Variants in FAM120C observed in about 807,000 individuals in gnomAD.
The protein encoded by FAM120C is family with sequence similarity 120 member C, also known as constitutive coactivator of PPAR-gamma-like protein 2.
In FAM120C, 14 loss-of-function variants were observed where a neutral mutation model predicts 71.2. The ratio of observed to expected loss-of-function variants is 0.20; its 90% CI spans 0.13 to 0.31. FAM120C has a LOEUF of 0.31. Among genes scored for constraint, FAM120C ranks in the 10% least tolerant of loss-of-function variants. The probability of loss-of-function intolerance (pLI) is 1.00; values close to 1 mark genes in which losing one functional copy is unlikely to be tolerated. For synonymous variants in FAM120C, 354 were observed against 353.2 expected (o/e 1.00, Z -0.03); for missense variants, 500 against 879.0 (o/e 0.57, Z 5.45).
At chrX:54,178,608 T>C (rs1351971856) in intron 1 of FAM120C, among the ~76,000 whole-genome samples, 1 of 112,137 alleles carries the variant, frequency 8.9e-6, no homozygotes, top group Non-Finnish European at 1.9e-5. Context: ...TTAAATGAGA[T>C]ATTTTAAAAG....
At chrX:54,091,617 C>T (rs1360336124) in intron 10 of FAM120C, among the ~76,000 whole-genome samples, 191 bp from the exon 11 acceptor site, 1 of 111,860 alleles carries the variant, frequency 8.9e-6, no homozygotes, top group Non-Finnish European at 1.9e-5. Context: ...TCATGTACAT[C>T]AACAATGACA....
intron 10 of FAM120C, among the ~76,000 whole-genome samples, chrX:54,101,870 C>T (rs782721851): frequency 9.0e-6 from 1 of 111,553 alleles, no homozygotes; most frequent in South Asian, 3.8e-4. Flanking sequence ...TATAAACTCT[C>T]CCTAGTCTTC....
intron 1 of FAM120C, chrX:54,171,551 T>A (rs188312557): frequency 6.2e-5 from 7 of 112,296 alleles, no homozygotes; most frequent in Non-Finnish European, 1.9e-5. Flanking sequence ...TTTTGTTTGT[T>A]TATTCTCCTT....
chrX:54,102,867 G>A (rs1439490775), intron 10 of FAM120C, among the ~76,000 whole-genome samples: 2 of 105,194 alleles, frequency 1.9e-5, no homozygotes, highest in South Asian at 4.5e-4. Flanking sequence ...TTACAGGCGC[G>A]CACCACCACA....
chrX:54,180,274 G>T (rs1490461008), intron 1 of FAM120C, among the ~76,000 whole-genome samples: 1 of 112,256 alleles, frequency 8.9e-6, no homozygotes, highest in Non-Finnish European at 1.9e-5. Context: ...TCCGCTATCT[G>T]AACTATCTAC....
At position 54,132,861 on chromosome X, in the gene FAM120C, A is replaced by C. The variant is rs1055504369; in HGVS notation, c.1893T>G (p.Gly631=). The change falls in exon 9 of 16, where the codon GGT becomes GGG. Residue 631 remains glycine, a splice_region_variant and synonymous_variant. Transcript: ENST00000375180. ...CAATACATACGGGGATCTTAATTTC[A>C]CCCTAACAAGAGAACATTCCAGGGA... ...YPYIYHVLTK[G]EIKIPVCIED... is the part of the protein sequence containing the mutation. The C allele has an allele frequency of 1.1e-5, 13 of 1,183,896 alleles. No individual in the cohort carries two copies. Among genetic ancestry groups the C allele is most frequent in the African/African-American group, 1.8e-5 (1 of 56,055 alleles).
At chrX:54,094,083 C>T (rs868990656) in intron 10 of FAM120C, among the ~76,000 whole-genome samples, 5 of 61,441 alleles carry the variant, frequency 8.1e-5, no homozygotes, top group Non-Finnish European at 1.1e-4. Flanking sequence ...TCCACGACTC[C>T]TTTTTTTTTT....
rs181978830 is a variant in FAM120C, at chrX:54,147,873, T to C, written c.1158+3372A>G. On this transcript the variant is annotated intron_variant, in intron 4 of 15. Coordinates refer to ENST00000375180, the MANE Select transcript of FAM120C (RefSeq NM_017848.6). Reference sequence around the variant, plus strand: ...CCATGCCCAGCTAATTTTTTGTATTTTTAGTAGAGATGGGGTTTCACCATG... The same window carrying C: ...CCATGCCCAGCTAATTTTTTGTATTCTTAGTAGAGATGGGGTTTCACCATG... 5.8e-4 allele frequency among the ~76,000 whole-genome samples: 64 copies of C among 110,918 alleles called. 1 individual carries two copies. The East Asian group carries it at 0.018, about 31-fold the overall frequency.
chrX:54,114,784 G>C (rs1557126397), intron 10 of FAM120C, among the ~76,000 whole-genome samples: 1 of 110,236 alleles, frequency 9.1e-6, no homozygotes. Context: ...ATCTCACTTT[G>C]TTGCCCAGGC....
intron 4 of FAM120C, among the ~76,000 whole-genome samples, chrX:54,148,662 TTCA>T (rs1437806175): frequency 3.6e-5 from 4 of 111,612 alleles, no homozygotes; most frequent in Non-Finnish European, 7.5e-5. Flanking sequence ...GAAAAAAATG[TTCA>T]TCATTAGTCA....
chrX:54,100,135 C>G (rs1557123932), intron 10 of FAM120C, among the ~76,000 whole-genome samples: 1 of 109,148 alleles, frequency 9.2e-6, no homozygotes, highest in African/African-American at 3.3e-5. Context: ...CGCTTGAGTC[C>G]AGGAGTTTGA....
chrX:54,128,491 A>G (rs1331197043), intron 9 of FAM120C, among the ~76,000 whole-genome samples: 1 of 99,228 alleles, frequency 1.0e-5, no homozygotes, highest in Non-Finnish European at 2.1e-5. Flanking sequence ...TTTTTTTTTT[A>G]ATTGATCATT....
chrX:54,113,639 C>T lies in FAM120C; in HGVS notation c.2312+2906G>A, dbSNP rs186147314. On this transcript the variant is annotated intron_variant, in intron 10 of 15. Transcript: ENST00000375180. Reference sequence around the variant, plus strand: ...AAAAATGCCTGCACCAGGCCGGGCGCGGTGGCTCACGCCTGTAATCCCAGC... The same window carrying T: ...AAAAATGCCTGCACCAGGCCGGGCGTGGTGGCTCACGCCTGTAATCCCAGC... 1.5e-4 allele frequency among the ~76,000 whole-genome samples: 16 copies of T among 109,948 alleles called. No homozygotes were observed. In the East Asian group the frequency reaches 1.7e-3, roughly 12 times the overall value.
At chrX:54,118,694 TTTTTC>T (rs1396872932) in intron 9 of FAM120C, among the ~76,000 whole-genome samples, 28 of 91,883 alleles carry the variant, frequency 3.0e-4, no homozygotes, top group Non-Finnish European at 5.7e-4. Context: ...TATTTTTCTT[TTTTTC>T]TTTTTTTTTT....
In FAM120C at chrX:54,132,717, G is replaced by A; in HGVS notation, c.2037C>T (p.Ala679=). The A allele has an allele frequency of 8.3e-7, 1 of 1,206,059 alleles. No homozygotes were observed. Among genetic ancestry groups the A allele is most frequent in the Non-Finnish European group, 1.1e-6 (1 of 893,270 alleles). ...AETQRKMERL[A]MRRRLPVEVP... The stretch of plus-strand genomic sequence containing the variant: ...CTTCCACAGGCAGCCGCCGTCGCAT[G>A]GCCAAGCGTTCCATTTTCCTCTGTG... The change falls in exon 9 of 16, where the codon GCC becomes GCT. Residue 679 remains alanine (A), a synonymous_variant. Transcript: ENST00000375180.
intron 9 of FAM120C, among the ~76,000 whole-genome samples, chrX:54,117,590 C>T (rs1016541997): frequency 1.9e-4 from 20 of 104,135 alleles, no homozygotes; most frequent in Non-Finnish European, 3.5e-4. Flanking sequence ...CCCAGCTACT[C>T]TGGAGGCAGA....
chrX:54,079,555 C>T lies in FAM120C; in HGVS notation c.3036+677G>A, dbSNP rs1462381781. The stretch of plus-strand genomic sequence containing the variant: ...GGCTCACGCCTGTAATCCAGCACTT[C>T]GGGAGGCCGAGGCGAGTGGATTGCC... On this transcript the variant is annotated intron_variant, in intron 15 of 15. Transcript: ENST00000375180. Among the ~76,000 whole-genome samples, 8 of 112,093 alleles carry T rather than the reference C, an allele frequency of 7.1e-5. 1 individual carries two copies. The highest frequency in any genetic ancestry group is 1.9e-4 in the African/African-American group (6 of 30,967).
chrX:54,113,328 C>T (rs1385060413), intron 10 of FAM120C, among the ~76,000 whole-genome samples: 2 of 106,678 alleles, frequency 1.9e-5, no homozygotes, highest in Non-Finnish European at 3.9e-5. Context: ...GGCGTGGTGG[C>T]GTGCACCTGT....
At chrX:54,092,300 T>C (rs1349961963) in intron 10 of FAM120C, among the ~76,000 whole-genome samples, 2 of 110,487 alleles carry the variant, frequency 1.8e-5, no homozygotes, top group African/African-American at 3.3e-5. Context: ...TCCTAGCACT[T>C]TGGGAGGCTG....
Sources: allele counts gnomAD v4.1 joint callset (sites outside exome capture counted in the v4.1 genomes callset), GRCh38; gene constraint gnomAD v4.1.1; transcripts MANE v1.5; gene names NCBI Gene and HGNC (gene_info 2026-07-23, HGNC 2026-07-21).